PCSK5: variants seen among roughly 807,000 people sequenced by gnomAD.
PCSK5 encodes prohormone convertase 5.
Under a neutral mutation model 233.2 loss-of-function variants are expected in PCSK5, and 129 were observed. The ratio of observed to expected loss-of-function variants is 0.55; its 90% CI spans 0.48 to 0.64. The LOEUF is 0.64. PCSK5 is among the 30% of genes least tolerant of loss of function. The pLI is 0.00. For missense variants in PCSK5, 2,076 were observed against 2,430.1 expected, an observed-to-expected ratio of 0.85 and a Z score of 3.06; for synonymous variants, 825 against 879.2, an observed-to-expected ratio of 0.94 and a Z score of 1.09.
chr9:76,053,082 T>C (rs1366640144), intron 5 of PCSK5, among the ~76,000 whole-genome samples: 2 of 152,226 alleles, frequency 1.3e-5, no homozygotes, highest in African/African-American at 4.8e-5. Flanking sequence ...GCGCCCCTCC[T>C]GGAGGCTTTC....
chr9:76,302,912 A>G (rs1430860635), intron 28 of PCSK5, among the ~76,000 whole-genome samples: 1 of 151,188 alleles, frequency 6.6e-6, no homozygotes, highest in Non-Finnish European at 1.5e-5. Context: ...GTTTAGCTAC[A>G]GTCATTTCTG....
chr9:76,090,953 C>T (rs945551635), intron 7 of PCSK5, among the ~76,000 whole-genome samples: 4 of 139,396 alleles, frequency 2.9e-5, no homozygotes, highest in Non-Finnish European at 4.7e-5. Context: ...CTAGATCCCT[C>T]GCATGCGTAG....
chr9:76,159,251 T>G, intron 12 of PCSK5, 80 bp downstream of exon 12: 2 of 1,282,300 alleles, frequency 1.6e-6, no homozygotes, highest in Non-Finnish European at 2.2e-6. Flanking sequence ...GAACAGCTGC[T>G]GCTTTCACCT....
At chr9:76,107,776 A>C (rs1832039893) in intron 9 of PCSK5, among the ~76,000 whole-genome samples, 1 of 152,228 alleles carries the variant, frequency 6.6e-6, no homozygotes, top group South Asian at 2.1e-4. Context: ...GCTCTGCAGA[A>C]TAGAATATGC....
intron 20 of PCSK5, among the ~76,000 whole-genome samples, chr9:76,213,808 T>A (rs1023634471): frequency 6.6e-6 from 1 of 152,150 alleles, no homozygotes; most frequent in African/African-American, 2.4e-5. Context: ...ATCATTTGCC[T>A]GCTCCCAGAG....
At chr9:76,088,178 T>C (rs938579236) in intron 7 of PCSK5, among the ~76,000 whole-genome samples, 3 of 152,130 alleles carry the variant, frequency 2.0e-5, no homozygotes, top group Non-Finnish European at 2.9e-5. Flanking sequence ...TGCGTAAAGA[T>C]TGAGACCAGT....
In PCSK5 at chr9:76,108,955, G is replaced by T. The variant is rs150738914; in HGVS notation, c.1208+1604G>T. Reference sequence around the variant, plus strand: ...TCTGGATATGGTGCCCTGTCTCTGGGTGGCCTCTTGCCCAAGCCTGGAGAT... The same window carrying T: ...TCTGGATATGGTGCCCTGTCTCTGGTTGGCCTCTTGCCCAAGCCTGGAGAT... On this transcript the variant is annotated intron_variant, in intron 9 of 37. Transcript: ENST00000674117. Among the ~76,000 whole-genome samples, 328 of 152,308 alleles carry T rather than the reference G, an allele frequency of 2.2e-3. 3 individuals carry two copies. Among genetic ancestry groups the T allele is most frequent in the African/African-American group, 7.3e-3 (303 of 41,566 alleles).
At chr9:75,935,387 T>C (rs79889335) in intron 2 of PCSK5, among the ~76,000 whole-genome samples, 8,980 of 152,296 alleles carry the variant, frequency 0.059, 311 homozygotes, top group Middle Eastern at 0.12. Context: ...TGTATACGTA[T>C]GTAAGGTATG....
intron 37 of PCSK5, 149 bp from the exon 38 acceptor site, chr9:76,358,364 A>T (rs1830355199): frequency 1.5e-6 from 1 of 650,776 alleles, no homozygotes; most frequent in South Asian, 2.2e-5. Flanking sequence ...AATTAAAATT[A>T]AAAACAGAGG....
intron 18 of PCSK5, 44 bp from the exon 19 acceptor site, chr9:76,189,050 C>T: frequency 6.3e-7 from 1 of 1,599,746 alleles, no homozygotes; most frequent in Non-Finnish European, 8.5e-7. Context: ...ACCACCTCCT[C>T]TGAGGTTTTA....
chr9:76,188,437 C>G, intron 17 of PCSK5, 141 bp from the exon 18 acceptor site: 1 of 600,976 alleles, frequency 1.7e-6, no homozygotes, highest in Non-Finnish European at 3.0e-6. Flanking sequence ...GGTACACGGG[C>G]TATTTCCCCG....
At chr9:76,064,332 C>T (rs1371261858) in intron 5 of PCSK5, among the ~76,000 whole-genome samples, 7 of 104,838 alleles carry the variant, frequency 6.7e-5, no homozygotes, top group East Asian at 3.2e-4. Flanking sequence ...CCTCACCTCC[C>T]GGACGGGGCG....
At chr9:76,254,487 A>G (rs1826914526) in intron 24 of PCSK5, among the ~76,000 whole-genome samples, 1 of 152,076 alleles carries the variant, frequency 6.6e-6, no homozygotes, top group South Asian at 2.1e-4. Flanking sequence ...AAAAAAAAAA[A>G]GATGAAATTT....
At chr9:76,099,488 C>G (rs1011126656) in intron 8 of PCSK5, among the ~76,000 whole-genome samples, 1 of 152,190 alleles carries the variant, frequency 6.6e-6, no homozygotes, top group African/African-American at 2.4e-5. Context: ...TTTCCAGCTG[C>G]TGTTAGGTGC....
chr9:76,112,075 A>G (rs929680408), intron 9 of PCSK5, among the ~76,000 whole-genome samples: 2 of 152,212 alleles, frequency 1.3e-5, no homozygotes, highest in African/African-American at 2.4e-5. Flanking sequence ...ATGTAACAAT[A>G]TCAGCATCAA....
chr9:76,244,473 G>A (rs755285684), intron 24 of PCSK5, among the ~76,000 whole-genome samples: 6 of 151,592 alleles, frequency 4.0e-5, no homozygotes, highest in East Asian at 1.9e-4. Context: ...AGGTCTAGAC[G>A]ATCTCTAGGG....
intron 1 of PCSK5, among the ~76,000 whole-genome samples, chr9:75,908,937 CTCTGTCTATCTATCTATCTA>C (rs1822571073): frequency 1.1e-5 from 1 of 89,508 alleles, no homozygotes; most frequent in South Asian, 3.7e-4. Context: ...CTATCTCTCT[CTCTGTCTATCTATCTATCTA>C]TCTATCTATC....
At chr9:76,123,539 G>A (rs1832727642) in intron 9 of PCSK5, among the ~76,000 whole-genome samples, 1 of 151,932 alleles carries the variant, frequency 6.6e-6, no homozygotes, top group African/African-American at 2.4e-5. Context: ...TTGGATTTCT[G>A]CAACAGACCA....
At chr9:76,001,756 G>T (rs1481847134) in intron 3 of PCSK5, among the ~76,000 whole-genome samples, 2 of 152,098 alleles carry the variant, frequency 1.3e-5, no homozygotes, top group Non-Finnish European at 2.9e-5. Context: ...TTCTTTATTA[G>T]TCTGAAAGAT....
Sources: gnomAD v4.1 joint callset for allele counts (sites outside exome capture counted in the v4.1 genomes callset) on GRCh38, gnomAD v4.1.1 for gene constraint, MANE v1.5 for transcripts, NCBI Gene and HGNC (gene_info 2026-07-23, HGNC 2026-07-21) for gene names.